Variants in COBL observed in about 807,000 individuals in gnomAD.
The protein encoded by COBL is cordon-bleu WH2 repeat protein.
COBL carries 51 observed loss-of-function variants against 98.8 expected under a neutral mutation model. The ratio of observed to expected loss-of-function variants is 0.52; its 90% CI spans 0.41 to 0.65. The LOEUF is 0.65. Among genes scored for constraint, COBL ranks in the 30% least tolerant of loss-of-function variants. The probability of loss-of-function intolerance (pLI) is 0.00; values close to 1 mark genes in which losing one functional copy is unlikely to be tolerated. For missense variants in COBL, 1,617 were observed against 1,617.5 expected, an observed-to-expected ratio of 1.00 and a Z score of 0.01; for synonymous variants, 634 against 651.7, an observed-to-expected ratio of 0.97 and a Z score of 0.41.
chr7:51,085,133 C>T (rs1175465212), intron 7 of COBL, 33 bp downstream of exon 7: 2 of 1,613,008 alleles, frequency 1.2e-6, no homozygotes, highest in Non-Finnish European at 1.7e-6. Flanking sequence ...GCAAGCATCC[C>T]CGCATGCAGA....
At chr7:51,056,139 TA>T (rs1790726209) in intron 7 of COBL, among the ~76,000 whole-genome samples, 1 of 148,686 alleles carries the variant, frequency 6.7e-6, no homozygotes, top group African/African-American at 2.5e-5. Context: ...ATGAGGAAAT[TA>T]CTTACAAAAA....
chr7:51,121,511 T>C lies in COBL; in HGVS notation c.957+14647A>G, dbSNP rs148084809. Among the ~76,000 whole-genome samples the C allele has an allele frequency of 2.5e-3, 375 of 152,344 alleles. 2 individuals carry two copies. Among genetic ancestry groups the C allele is most frequent in the Admixed American group, 0.016 (249 of 15,304 alleles). On this transcript the variant is annotated intron_variant, in intron 6 of 12. Transcript: ENST00000265136. Reference sequence around the variant, plus strand: ...CCTTTGGTGCACAAAAGTAAAAGCTTTGCAGATACTAAAATTTTGTAAGTT... The same window carrying C: ...CCTTTGGTGCACAAAAGTAAAAGCTCTGCAGATACTAAAATTTTGTAAGTT...
chr7:51,050,551 T>C (rs1317535681), intron 7 of COBL, among the ~76,000 whole-genome samples: 3 of 152,224 alleles, frequency 2.0e-5, no homozygotes, highest in African/African-American at 4.8e-5. Flanking sequence ...AAGATGAGTA[T>C]GTGTTCCATG....
At chr7:51,305,347 T>C (rs535459392) in intron 1 of COBL, among the ~76,000 whole-genome samples, 26 of 152,320 alleles carry the variant, frequency 1.7e-4, no homozygotes, top group African/African-American at 5.8e-4. Context: ...AAGAATACTA[T>C]ATAATTTTTA....
chr7:51,268,131 G>A (rs185848795), intron 1 of COBL, among the ~76,000 whole-genome samples: 31 of 152,256 alleles, frequency 2.0e-4, no homozygotes, highest in African/African-American at 2.9e-4. Flanking sequence ...TCCACGTGCC[G>A]TCTGGGGCAC....
intron 1 of COBL, among the ~76,000 whole-genome samples, chr7:51,305,950 T>G (rs2129209798): frequency 6.6e-6 from 1 of 152,138 alleles, no homozygotes; most frequent in East Asian, 1.9e-4. Flanking sequence ...GCAGAAGAAT[T>G]GCTTGAACCC....
At chr7:51,062,542 G>A (rs1241103884) in intron 7 of COBL, among the ~76,000 whole-genome samples, 2 of 152,192 alleles carry the variant, frequency 1.3e-5, no homozygotes, top group Non-Finnish European at 2.9e-5. Flanking sequence ...GCCACTCCAA[G>A]TGTCTCAACT....
chr7:51,259,637 C>A, intron 1 of COBL: 4 of 727,520 alleles, frequency 5.5e-6, no homozygotes, highest in Admixed American at 1.8e-5. Context: ...CACCAAAATT[C>A]CCCTGGTGCT....
intron 1 of COBL, among the ~76,000 whole-genome samples, chr7:51,223,345 T>C (rs541296233): frequency 6.6e-6 from 1 of 152,350 alleles, no homozygotes; most frequent in Admixed American, 6.5e-5. Flanking sequence ...ACAAAATGAA[T>C]TTTGGGCTGC....
chr7:51,094,005 C>T (rs1017976748), intron 6 of COBL, among the ~76,000 whole-genome samples: 2 of 149,712 alleles, frequency 1.3e-5, no homozygotes, highest in Non-Finnish European at 3.0e-5. Flanking sequence ...GTATATAAAA[C>T]ACATATATTT....
chr7:51,101,777 A>C (rs913413274), intron 6 of COBL, among the ~76,000 whole-genome samples: 1 of 152,246 alleles, frequency 6.6e-6, no homozygotes, highest in African/African-American at 2.4e-5. Flanking sequence ...GGAACACTTA[A>C]TATCTAGTCC....
At position 51,027,701 on chromosome 7, in the gene COBL, G is replaced by A. The variant is rs747858986; in HGVS notation, c.3384+11C>T. 2.7e-5 allele frequency: 44 copies of A among 1,601,978 alleles called. No individual in the cohort carries two copies. Among genetic ancestry groups the A allele is most frequent in the East Asian group, 2.5e-4 (11 of 44,800 alleles). On this transcript the variant is annotated intron_variant, in intron 10 of 12. Coordinates refer to ENST00000265136, the MANE Select transcript of COBL (RefSeq NM_015198.5). ...GTGTGGAAGGCCTGCCCCGGAAGCCGCCATCCTCACCTTGCGTAGTCTGTC... is the reference window on the plus strand; with the variant it reads ...GTGTGGAAGGCCTGCCCCGGAAGCCACCATCCTCACCTTGCGTAGTCTGTC...
intron 1 of COBL, among the ~76,000 whole-genome samples, chr7:51,268,149 G>A (rs1798401822): frequency 6.6e-6 from 1 of 152,122 alleles, no homozygotes; most frequent in African/African-American, 2.4e-5. Flanking sequence ...CACTGTTCTC[G>A]CCCACTCTCA....
intron 7 of COBL, chr7:51,065,572 T>C: frequency 1.7e-6 from 1 of 604,604 alleles, no homozygotes; most frequent in Non-Finnish European, 2.9e-6. Flanking sequence ...TCAGCACAGC[T>C]TGCCAGAAAG....
chr7:51,028,961 G>A lies in COBL; in HGVS notation c.2135C>T (p.Pro712Leu). The change falls in exon 10 of 13, where the codon CCT becomes CTT. Residue 712 changes from proline to leucine, a missense_variant. Pro to Leu is a moderately conservative substitution (Grantham distance 98). Around this residue, in one of 3 missense-constraint regions of COBL, gnomAD observed 1,304 missense variants for 1,282.0 expected, o/e 1.02. Coordinates refer to ENST00000265136, the MANE Select transcript of COBL (RefSeq NM_015198.5). Reference protein sequence around the residue: ...KHGLTTYKIIPPKSEMRCYDR... With the variant: ...KHGLTTYKIILPKSEMRCYDR... Reference sequence around the variant, plus strand: ...GTAACATCGCATCTCTGACTTTGGAGGAATGATTTTATACGTTGTGAGGCC... The same window carrying A: ...GTAACATCGCATCTCTGACTTTGGAAGAATGATTTTATACGTTGTGAGGCC... 1.2e-6 allele frequency: 2 copies of A among 1,614,178 alleles called. No homozygotes were observed. Among genetic ancestry groups the A allele is most frequent in the Non-Finnish European group, 1.7e-6 (2 of 1,180,044 alleles).
intron 8 of COBL, among the ~76,000 whole-genome samples, chr7:51,038,079 T>C (rs552712481): frequency 4.5e-4 from 68 of 152,336 alleles, no homozygotes; most frequent in African/African-American, 1.6e-3. Flanking sequence ...CTTGAACTCC[T>C]GACCTTAGGT....
At chr7:51,119,153 C>T (rs1797534325) in intron 6 of COBL, among the ~76,000 whole-genome samples, 2 of 152,098 alleles carry the variant, frequency 1.3e-5, no homozygotes, top group South Asian at 2.1e-4. Context: ...CTGACAAATA[C>T]AGAGATTCTG....
chr7:51,021,166 G>C (rs544762145), intron 12 of COBL: 3 of 152,324 alleles, frequency 2.0e-5, no homozygotes, highest in Admixed American at 2.0e-4. Context: ...TGCTGTTCTG[G>C]AGCCGTTGCT....
At chr7:51,108,957 C>CACACACACACA (rs869144573) in intron 6 of COBL, among the ~76,000 whole-genome samples, 32 of 83,896 alleles carry the variant, frequency 3.8e-4, no homozygotes, top group South Asian at 2.1e-3. Flanking sequence ...CACACACACA[C>CACACACACACA]CCCCTGCCCC....
Sources: gnomAD v4.1 joint callset for allele counts (sites outside exome capture counted in the v4.1 genomes callset) on GRCh38, gnomAD v4.1.1 for gene constraint, gnomAD v4.1.1 regional missense constraint, MANE v1.5 for transcripts, NCBI Gene and HGNC (gene_info 2026-07-23, HGNC 2026-07-21) for gene names.